Variants in CCDC7 observed in about 807,000 individuals in gnomAD.
CCDC7 encodes the protein coiled-coil domain-containing protein 7.
CCDC7 carries 183 observed loss-of-function variants against 196.9 expected under a neutral mutation model. That is an observed-to-expected ratio of 0.93 (90% confidence interval 0.82 to 1.05). The LOEUF (loss-of-function observed/expected upper bound fraction) is 1.05, where lower values mean the gene tolerates loss of function less well. Among genes scored for constraint, CCDC7 ranks in the 50% least tolerant of loss-of-function variants. The probability of loss-of-function intolerance (pLI) is 0.00; values close to 1 mark genes in which losing one functional copy is unlikely to be tolerated. For missense variants in CCDC7, 1,540 were observed against 1,482.2 expected, an observed-to-expected ratio of 1.04 and a Z score of -0.64; for synonymous variants, 525 against 484.6, an observed-to-expected ratio of 1.08 and a Z score of -1.10.
At chr10:32,695,239 C>A (rs1447886246) in intron 24 of CCDC7, among the ~76,000 whole-genome samples, 1 of 152,170 alleles carries the variant, frequency 6.6e-6, no homozygotes, top group African/African-American at 2.4e-5. Context: ...AATCATTAGT[C>A]TGTCAAAGGG....
intron 13 of CCDC7, among the ~76,000 whole-genome samples, chr10:32,564,409 C>T (rs1458508199): frequency 6.6e-6 from 1 of 152,188 alleles, no homozygotes; most frequent in Non-Finnish European, 1.5e-5. Context: ...CCCACATGTC[C>T]AACAACGATA....
intron 21 of CCDC7, among the ~76,000 whole-genome samples, chr10:32,678,328 G>A (rs535536316): frequency 6.6e-6 from 1 of 152,196 alleles, no homozygotes; most frequent in African/African-American, 2.4e-5. Flanking sequence ...CATGATCCTT[G>A]TATTTTCATT....
intron 2 of CCDC7, among the ~76,000 whole-genome samples, chr10:32,453,674 A>G (rs1392400104): frequency 6.6e-6 from 1 of 152,172 alleles, no homozygotes; most frequent in Non-Finnish European, 1.5e-5. Flanking sequence ...AGGAATGACC[A>G]ACATTTTAAA....
chr10:32,874,061 A>G (rs1196917212), intron 41 of CCDC7, among the ~76,000 whole-genome samples: 3 of 151,504 alleles, frequency 2.0e-5, no homozygotes, highest in African/African-American at 7.2e-5. Context: ...AAAAGTAACT[A>G]GTCTCAAGCA....
chr10:32,600,338 T>A (rs1428743021), intron 18 of CCDC7, among the ~76,000 whole-genome samples: 2 of 151,432 alleles, frequency 1.3e-5, no homozygotes, highest in Non-Finnish European at 2.9e-5. Flanking sequence ...AAAGATTGAG[T>A]TCTTGATTTG....
chr10:32,640,419 G>T (rs2066525309), intron 20 of CCDC7, among the ~76,000 whole-genome samples: 1 of 152,232 alleles, frequency 6.6e-6, no homozygotes, highest in East Asian at 1.9e-4. Context: ...CGTGAGATGG[G>T]TGTCCTGAAT....
intron 20 of CCDC7, among the ~76,000 whole-genome samples, chr10:32,656,127 G>A (rs1329251921): frequency 6.6e-6 from 1 of 152,084 alleles, no homozygotes; most frequent in African/African-American, 2.4e-5. Flanking sequence ...ATGTCAGGGA[G>A]ATTTTTCCCT....
chr10:32,708,213 A>C (rs1425031825), intron 24 of CCDC7, among the ~76,000 whole-genome samples: 5 of 152,152 alleles, frequency 3.3e-5, no homozygotes, highest in South Asian at 2.1e-4. Context: ...CAAAAACAAG[A>C]AATGGGGAAA....
intron 20 of CCDC7, among the ~76,000 whole-genome samples, chr10:32,658,505 C>G (rs533282863): frequency 6.6e-6 from 1 of 152,244 alleles, no homozygotes; most frequent in South Asian, 2.1e-4. Flanking sequence ...GGTTGGCGCC[C>G]TCATCATTCA....
At chr10:32,632,503 C>A (rs1202097257) in intron 18 of CCDC7, among the ~76,000 whole-genome samples, 1 of 151,056 alleles carries the variant, frequency 6.6e-6, no homozygotes, top group Non-Finnish European at 1.5e-5. Context: ...ACTTTAATGT[C>A]CTCTTCTTTT....
intron 15 of CCDC7, among the ~76,000 whole-genome samples, chr10:32,571,006 CTTTTTTTT>C (rs376971167): frequency 7.6e-6 from 1 of 131,408 alleles, no homozygotes; most frequent in African/African-American, 2.9e-5. Flanking sequence ...GGTCACTGGC[CTTTTTTTT>C]TTTTTTTTTG....
At chr10:32,527,012 C>A (rs2048779069) in intron 11 of CCDC7, among the ~76,000 whole-genome samples, 1 of 152,100 alleles carries the variant, frequency 6.6e-6, no homozygotes, top group Non-Finnish European at 1.5e-5. Flanking sequence ...CCTAGACTGC[C>A]TTTCAAGTGT....
intron 21 of CCDC7, among the ~76,000 whole-genome samples, chr10:32,670,891 G>A (rs1382031653): frequency 1.3e-5 from 2 of 151,542 alleles, no homozygotes; most frequent in Non-Finnish European, 2.9e-5. Flanking sequence ...AGTTCCTTGT[G>A]GTGTAACATT....
At chr10:32,624,277 C>T (rs1283035628) in intron 18 of CCDC7, among the ~76,000 whole-genome samples, 1 of 149,876 alleles carries the variant, frequency 6.7e-6, no homozygotes, top group Non-Finnish European at 1.5e-5. Flanking sequence ...TAATCTTGAT[C>T]ACATAGCAGC....
chr10:32,709,885 T>C (rs561893842), intron 24 of CCDC7, among the ~76,000 whole-genome samples: 131 of 113,852 alleles, frequency 1.2e-3, no homozygotes, highest in African/African-American at 3.1e-3. Flanking sequence ...GCTCTCACTC[T>C]CGTCATTGAC....
Position 32,694,273 on chromosome 10 carries a change from C to T in CCDC7, c.2345-606C>T, listed in dbSNP as rs557629621. Among the ~76,000 whole-genome samples the T allele has an allele frequency of 4.6e-5, 7 of 152,174 alleles. No individual in the cohort carries two copies. In the South Asian group the frequency reaches 1.5e-3, roughly 32 times the overall value. On this transcript the variant is annotated intron_variant, in intron 23 of 41. Transcript: ENST00000639629. ...TTTTTTCTTAAATCTGTGTATAGCT[C>T]ACATTTATTTTAGTGTTTACTATTA...
At chr10:32,628,800 G>T (rs2064417654) in intron 18 of CCDC7, among the ~76,000 whole-genome samples, 1 of 151,880 alleles carries the variant, frequency 6.6e-6, no homozygotes, top group East Asian at 1.9e-4. Flanking sequence ...CCATGTATTT[G>T]TGAATTTTCT....
chr10:32,666,127 T>C (rs1023426179), intron 21 of CCDC7, among the ~76,000 whole-genome samples: 54 of 151,126 alleles, frequency 3.6e-4, no homozygotes, highest in African/African-American at 8.9e-4. Flanking sequence ...TTTCTTTTTT[T>C]TTTTTTTTTC....
intron 16 of CCDC7, among the ~76,000 whole-genome samples, chr10:32,574,735 G>A (rs1474756150): frequency 6.6e-6 from 1 of 152,088 alleles, no homozygotes; most frequent in East Asian, 1.9e-4. Context: ...CTAATTCATG[G>A]TGTTTTATTT....
Sources: allele counts gnomAD v4.1 joint callset (sites outside exome capture counted in the v4.1 genomes callset), GRCh38; gene constraint gnomAD v4.1.1; transcripts MANE v1.5; gene names NCBI Gene and HGNC (gene_info 2026-07-23, HGNC 2026-07-21).